ENTREP2: variants seen among roughly 807,000 people sequenced by gnomAD.
The protein encoded by ENTREP2 is endosomal transmembrane epsin interactor 2.
the ENTREP2 span, among the ~76,000 whole-genome samples, chr15:29,178,794 G>A: frequency 6.6e-6 from 1 of 152,174 alleles, no homozygotes; most frequent in African/African-American, 2.4e-5. Context: ...GACAAGATTA[G>A]TTTTGCTTGA....
chr15:29,645,262 A>G, the ENTREP2 span, among the ~76,000 whole-genome samples: 21 of 152,332 alleles, frequency 1.4e-4, no homozygotes, highest in East Asian at 2.3e-3. Flanking sequence ...CAGTTAACCT[A>G]GAATTAAGTC....
chr15:29,509,600 C>T, the ENTREP2 span, among the ~76,000 whole-genome samples: 7 of 152,130 alleles, frequency 4.6e-5, no homozygotes, highest in Non-Finnish European at 1.0e-4. Flanking sequence ...AATGACACCA[C>T]ACAACTACAA....
the ENTREP2 span, among the ~76,000 whole-genome samples, chr15:29,327,449 G>A: frequency 1.3e-5 from 2 of 151,964 alleles, no homozygotes; most frequent in African/African-American, 2.4e-5. Context: ...AAAAAAATTA[G>A]CCAGGTGTGC....
chr15:29,368,803 C>A, the ENTREP2 span, among the ~76,000 whole-genome samples: 1 of 151,734 alleles, frequency 6.6e-6, no homozygotes, highest in Admixed American at 6.6e-5. Context: ...ATCCCCTGGG[C>A]CCAAAAGTTC....
At chr15:29,127,150 G>C in the ENTREP2 span, among the ~76,000 whole-genome samples, 1 of 152,216 alleles carries the variant, frequency 6.6e-6, no homozygotes, top group Non-Finnish European at 1.5e-5. Context: ...AGAACTGCTG[G>C]TCTGGACCGG....
chr15:29,602,252 T>C, the ENTREP2 span, among the ~76,000 whole-genome samples: 1 of 152,194 alleles, frequency 6.6e-6, no homozygotes, highest in Non-Finnish European at 1.5e-5. Context: ...CTACAGTACC[T>C]TGTGTATGAA....
the ENTREP2 span, among the ~76,000 whole-genome samples, chr15:29,544,419 G>A: frequency 2.4e-5 from 3 of 124,074 alleles, no homozygotes; most frequent in Non-Finnish European, 5.0e-5. Context: ...GGTGTATGAT[G>A]TTGATGGCTG....
At chr15:29,594,886 G>T in the ENTREP2 span, among the ~76,000 whole-genome samples, 74,891 of 151,352 alleles carry the variant, frequency 0.49, 19,629 homozygotes, top group Non-Finnish European at 0.6. Flanking sequence ...CTAACACGGT[G>T]AAACCCCGTC....
the ENTREP2 span, among the ~76,000 whole-genome samples, chr15:29,175,323 G>A: frequency 2.6e-5 from 4 of 152,162 alleles, no homozygotes; most frequent in Admixed American, 6.5e-5. Context: ...ATGTGCTGCC[G>A]GTAACGCTTA....
chr15:29,207,798 TGCTAAATCCAGTCCCTGCCAGGCCTGGGG>T, the ENTREP2 span, among the ~76,000 whole-genome samples: 34 of 152,114 alleles, frequency 2.2e-4, no homozygotes, highest in South Asian at 7.1e-3. Flanking sequence ...CCTGGAGAGG[TGCTAAATCCAGTCCCTGCCAGGCCTGGGG>T]ACAAAGCCAG....
chr15:29,566,818 C>A, the ENTREP2 span, among the ~76,000 whole-genome samples: 3 of 141,110 alleles, frequency 2.1e-5, no homozygotes, highest in Non-Finnish European at 3.0e-5. Context: ...TGAAAAAAAT[C>A]CAGTGGAGTT....
the ENTREP2 span, among the ~76,000 whole-genome samples, chr15:29,544,705 G>A: frequency 9.9e-5 from 15 of 152,272 alleles, no homozygotes; most frequent in South Asian, 2.7e-3. Context: ...CTGCCTCAGA[G>A]CAGAAGTGGT....
chr15:29,165,073 A>T, the ENTREP2 span, among the ~76,000 whole-genome samples: 1 of 152,218 alleles, frequency 6.6e-6, no homozygotes, highest in Admixed American at 6.5e-5. Context: ...CTGAATGAGC[A>T]TTGGGTCAAA....
At chr15:29,274,763 T>C in the ENTREP2 span, among the ~76,000 whole-genome samples, 1 of 152,076 alleles carries the variant, frequency 6.6e-6, no homozygotes, top group African/African-American at 2.4e-5. Context: ...TAATATAAAA[T>C]AGATTAACAG....
the ENTREP2 span, among the ~76,000 whole-genome samples, chr15:29,398,313 C>T: frequency 2.6e-5 from 4 of 151,770 alleles, no homozygotes; most frequent in African/African-American, 4.8e-5. Context: ...TGGGGGTTCA[C>T]GTCAGGAATG....
the ENTREP2 span, among the ~76,000 whole-genome samples, chr15:29,415,234 T>C: frequency 1.6e-4 from 25 of 152,294 alleles, no homozygotes; most frequent in African/African-American, 5.1e-4. Flanking sequence ...CTGATGAACA[T>C]TGATGCAAAA....
At chr15:29,254,263 ACT>A in the ENTREP2 span, among the ~76,000 whole-genome samples, 1 of 151,930 alleles carries the variant, frequency 6.6e-6, no homozygotes, top group Non-Finnish European at 1.5e-5. Flanking sequence ...CTATTTCAAA[ACT>A]CTGCATAAAA....
At chr15:29,479,629 T>C in the ENTREP2 span, among the ~76,000 whole-genome samples, 1 of 117,752 alleles carries the variant, frequency 8.5e-6, no homozygotes, top group South Asian at 2.8e-4. Context: ...TCTCTTTCTC[T>C]CTCCCTCCCT....
chr15:29,158,355 TTA>T, the ENTREP2 span, among the ~76,000 whole-genome samples: 2 of 152,114 alleles, frequency 1.3e-5, no homozygotes, highest in Middle Eastern at 6.8e-3. Flanking sequence ...GGTATTGCGT[TTA>T]TGTGTTTCTT....
Sources: gnomAD v4.1 joint callset for allele counts (sites outside exome capture counted in the v4.1 genomes callset) on GRCh38, gnomAD v4.1.1 for gene constraint, MANE v1.5 for transcripts, NCBI Gene and HGNC (gene_info 2026-07-23, HGNC 2026-07-21) for gene names.